The following SYNE2 variants were observed in gnomAD, a reference collection of about 807,000 sequenced individuals.
SYNE2 encodes nesprin-2.
SYNE2 carries 431 observed loss-of-function variants against 856.3 expected under a neutral mutation model. That is an observed-to-expected ratio of 0.50 (90% CI 0.47 to 0.55). SYNE2 has a LOEUF of 0.55. Ranked by LOEUF, SYNE2 falls within the 20% of genes least tolerant of loss-of-function variation. The pLI, the probability that SYNE2 is intolerant of heterozygous loss-of-function variation, is 0.00. For synonymous variants in SYNE2, 2,923 were observed against 2,872.3 expected (o/e 1.02, Z -0.56); for missense variants, 8,129 against 8,023.2 (o/e 1.01, Z -0.50).
At chr14:63,966,710 C>T (rs1355423394) in intron 10 of SYNE2, among the ~76,000 whole-genome samples, 1 of 151,864 alleles carries the variant, frequency 6.6e-6, no homozygotes, top group African/African-American at 2.4e-5. Context: ...AGGTGTGTGT[C>T]ACCATGCCTA....
intron 1 of SYNE2, among the ~76,000 whole-genome samples, chr14:63,874,892 G>C (rs960255587): frequency 6.6e-6 from 1 of 152,072 alleles, no homozygotes; most frequent in African/African-American, 2.4e-5. Flanking sequence ...AATAAAAAAT[G>C]TCAAAGGGGA....
rs917197180 is a variant in SYNE2 at position 64,024,086 on chromosome 14, A to G, written c.5638-171A>G. The G allele has an allele frequency of 1.1e-5, 7 of 618,252 alleles. No homozygotes were observed. The African/African-American group carries it at 1.3e-4, about 11-fold the overall frequency. 38.3% of individuals were successfully genotyped at this position (618,252 alleles called of 1,614,324 possible). ...ATGTAATTCCCAAGAAGTCAGAACT[A>G]TTATAAATCATCTGCCATTGGAGAT... is the stretch of plus-strand genomic sequence containing the variant. On this transcript the variant is annotated intron_variant, in intron 38 of 115. Transcript: ENST00000555002.
rs1489740497 is a variant in SYNE2, at chr14:64,062,887, C to G, written c.10204C>G (p.Gln3402Glu). The G allele has an allele frequency of 6.2e-7, 1 of 1,614,078 alleles. No individual in the cohort carries two copies. Residue 3402 changes from glutamine (Q) to glutamate (E), a missense_variant, in exon 50 of 116, where the codon CAG becomes GAG. Physicochemically the swap from Gln to Glu is conservative, Grantham distance 29. Coordinates refer to ENST00000555002, the MANE Select transcript of SYNE2 (RefSeq NM_182914.3). ...CAGAGAAGCTTTAGAGCGCTTGGAA[C>G]AGAGCAAGGTAATAGTATTGGCAAT... ...SYREALERLEQSKALVSNLIS... is the reference protein window; with the variant it reads ...SYREALERLEESKALVSNLIS...
chr14:63,950,042 G>A (rs770914985), intron 7 of SYNE2, 36 bp downstream of exon 7: 1 of 1,610,776 alleles, frequency 6.2e-7, no homozygotes, highest in Non-Finnish European at 8.5e-7. Context: ...AGACACACAG[G>A]GCAGCTGTAT....
chr14:63,820,750 CTTT>C (rs201007276), intron 1 of SYNE2, among the ~76,000 whole-genome samples: 17 of 140,370 alleles, frequency 1.2e-4, no homozygotes, highest in South Asian at 2.3e-4. Context: ...CACAGGAGAA[CTTT>C]TTTTTTTTTT....
intron 14 of SYNE2, among the ~76,000 whole-genome samples, chr14:63,980,001 C>A (rs929481532): frequency 1.3e-5 from 2 of 152,062 alleles, no homozygotes; most frequent in African/African-American, 4.8e-5. Context: ...AAATTTACTT[C>A]CAGTTTATGA....
At chr14:63,951,472 T>C (rs2096157568) in intron 7 of SYNE2, among the ~76,000 whole-genome samples, 1 of 152,134 alleles carries the variant, frequency 6.6e-6, no homozygotes, top group Non-Finnish European at 1.5e-5. Context: ...CCAGCTAATT[T>C]TGTATTTTTA....
At chr14:64,057,552 C>T (rs555659374) in intron 49 of SYNE2, among the ~76,000 whole-genome samples, 1 of 152,150 alleles carries the variant, frequency 6.6e-6, no homozygotes, top group Non-Finnish European at 1.5e-5. Context: ...GCTTCCAAAT[C>T]TTGACTATTG....
Position 64,160,961 on chromosome 14 carries a change from G to GAA in SYNE2, c.16095-1103_16095-1102dup, listed in dbSNP as rs917481977. On this transcript the variant is annotated intron_variant, in intron 87 of 115. Transcript: ENST00000555002. The stretch of plus-strand genomic sequence containing the variant: ...TTAGCAATTAAACTAAGGAAACAAA[G>GAA]AAAAAAAAACCCACAGACCATTTGT... Among the ~76,000 whole-genome samples, 6 of 150,382 alleles carry GAA rather than the reference G, an allele frequency of 4.0e-5. No individual in the cohort carries two copies. In the East Asian group the frequency reaches 1.2e-3, roughly 29 times the overall value.
intron 1 of SYNE2, among the ~76,000 whole-genome samples, chr14:63,869,216 TCATTTATCCATTC>T (rs1480712942): frequency 1.3e-5 from 2 of 152,250 alleles, no homozygotes; most frequent in Non-Finnish European, 2.9e-5. Flanking sequence ...TGGTACTCAC[TCATTTATCCATTC>T]TTCTGAGCTT....
chr14:63,934,273 T>C (rs1417483099), intron 2 of SYNE2, among the ~76,000 whole-genome samples: 2 of 152,200 alleles, frequency 1.3e-5, no homozygotes, highest in Non-Finnish European at 2.9e-5. Context: ...GCTGCTCCTC[T>C]TAGTGTTTTT....
intron 10 of SYNE2, among the ~76,000 whole-genome samples, chr14:63,966,213 C>T (rs1246304646): frequency 2.6e-5 from 4 of 151,966 alleles, no homozygotes; most frequent in African/African-American, 4.8e-5. Flanking sequence ...ACTACAACCC[C>T]AGAGCTGAGT....
intron 1 of SYNE2, among the ~76,000 whole-genome samples, chr14:63,872,930 T>G (rs10873171): frequency 0.54 from 82,258 of 151,882 alleles, 23,126 homozygotes; most frequent in Admixed American, 0.62. Context: ...TCCATTGTAT[T>G]AGTATGTCTC....
chr14:63,998,477 G>T (rs1399260126), intron 26 of SYNE2, 149 bp downstream of exon 26: 6 of 613,472 alleles, frequency 9.8e-6, no homozygotes, highest in Middle Eastern at 4.0e-4. Flanking sequence ...TTTCTCACAC[G>T]CAGTTGACAG....
chr14:63,867,431 C>T (rs1895683510), intron 1 of SYNE2, among the ~76,000 whole-genome samples: 1 of 150,052 alleles, frequency 6.7e-6, no homozygotes, highest in Non-Finnish European at 1.5e-5. Flanking sequence ...GGTGTGGTGG[C>T]TCACGCCTGT....
intron 94 of SYNE2, chr14:64,173,979 G>T: frequency 1.5e-6 from 1 of 682,580 alleles, no homozygotes; most frequent in Non-Finnish European, 2.6e-6. Flanking sequence ...CCTGCGGAGC[G>T]GCCCTGCTCT....
chr14:63,799,268 G>T (rs1356854251), intron 1 of SYNE2, among the ~76,000 whole-genome samples: 1 of 152,046 alleles, frequency 6.6e-6, no homozygotes, highest in Non-Finnish European at 1.5e-5. Context: ...TAGTAGAGAC[G>T]GGGTTTTGCC....
At chr14:64,124,622 T>G (rs1006948563) in intron 70 of SYNE2, among the ~76,000 whole-genome samples, 7 of 152,190 alleles carry the variant, frequency 4.6e-5, no homozygotes, top group East Asian at 1.9e-4. Flanking sequence ...TTAATTGTTT[T>G]TTCTTATAAA....
chr14:63,933,777 G>C (rs1202947417), intron 2 of SYNE2, among the ~76,000 whole-genome samples: 3 of 152,154 alleles, frequency 2.0e-5, no homozygotes, highest in Non-Finnish European at 4.4e-5. Context: ...AACATCTGCT[G>C]ATTAAAAGGT....
Sources: gnomAD v4.1 joint callset for allele counts (sites outside exome capture counted in the v4.1 genomes callset) on GRCh38, gnomAD v4.1.1 for gene constraint, MANE v1.5 for transcripts, NCBI Gene and HGNC (gene_info 2026-07-23, HGNC 2026-07-21) for gene names.